Variants in SOX5 observed in about 807,000 individuals in gnomAD.
The protein encoded by SOX5 is SRY-box transcription factor 5.
A neutral mutation model predicts 92.0 loss-of-function variants in SOX5; 9 were observed. The ratio of observed to expected loss-of-function variants is 0.10; its 90% CI spans 0.06 to 0.17. The LOEUF is 0.17. Ranked by LOEUF, SOX5 falls within the 10% of genes least tolerant of loss-of-function variation. The pLI is 1.00. For synonymous variants in SOX5, 344 were observed against 336.3 expected (o/e 1.02, Z -0.25); for missense variants, 642 against 944.5 (o/e 0.68, Z 4.20).
chr12:24,386,175 T>TA (rs1297201560), intron 1 of SOX5, among the ~76,000 whole-genome samples: 1 of 152,168 alleles, frequency 6.6e-6, no homozygotes, highest in Admixed American at 6.5e-5. Flanking sequence ...CTGTTTCACT[T>TA]AGAGTTGCAG....
chr12:24,198,133 T>G (rs1002507766), intron 4 of SOX5, among the ~76,000 whole-genome samples: 2 of 152,130 alleles, frequency 1.3e-5, no homozygotes, highest in Non-Finnish European at 2.9e-5. Context: ...GAGCAGCCCA[T>G]CCATCGTTCA....
At chr12:23,754,334 A>C (rs1236872032) in intron 4 of SOX5, among the ~76,000 whole-genome samples, 1 of 151,898 alleles carries the variant, frequency 6.6e-6, no homozygotes, top group Non-Finnish European at 1.5e-5. Flanking sequence ...TGGAGAATGC[A>C]TCTTATGCCT....
At chr12:24,021,792 A>G (rs1192911180) in intron 4 of SOX5, among the ~76,000 whole-genome samples, 1 of 152,150 alleles carries the variant, frequency 6.6e-6, no homozygotes, top group Non-Finnish European at 1.5e-5. Context: ...GTATCATCCA[A>G]TGTGATGTGG....
Position 23,665,417 on chromosome 12 carries a change from C to T in SOX5, c.931+27G>A, listed in dbSNP as rs750355842. 2.9e-5 allele frequency: 46 copies of T among 1,612,284 alleles called. No homozygotes were observed. The Admixed American group carries it at 6.2e-4, about 22-fold the overall frequency. ...TTTAAAGCTTTGCCCTCCACCCACT[C>T]CCAGATGAAAAATCAACAGTACTTA... On this transcript the variant is annotated intron_variant, in intron 7 of 14. Transcript: ENST00000451604.
At chr12:23,561,409 G>A (rs1323735683) in intron 11 of SOX5, among the ~76,000 whole-genome samples, 2 of 152,182 alleles carry the variant, frequency 1.3e-5, no homozygotes, top group Non-Finnish European at 2.9e-5. Context: ...CAGAGTCACT[G>A]AAGCCAGCAT....
intron 3 of SOX5, among the ~76,000 whole-genome samples, chr12:23,804,303 T>C (rs2142229942): frequency 6.6e-6 from 1 of 152,282 alleles, no homozygotes; most frequent in Non-Finnish European, 1.5e-5. Context: ...TGAAATTCCA[T>C]TTAAATAGAA....
At chr12:24,441,979 G>C (rs1940682028) in intron 1 of SOX5, among the ~76,000 whole-genome samples, 2 of 152,164 alleles carry the variant, frequency 1.3e-5, no homozygotes, top group African/African-American at 4.8e-5. Context: ...AAGGAGGTAG[G>C]AAACTTAAAA....
intron 4 of SOX5, among the ~76,000 whole-genome samples, chr12:24,028,899 G>C (rs946333829): frequency 6.6e-6 from 1 of 151,998 alleles, no homozygotes; most frequent in African/African-American, 2.4e-5. Context: ...AAAACAGTAA[G>C]AGAAAGGACA....
At position 24,074,630 on chromosome 12, in the gene SOX5, C is replaced by CAAAAAAAAA. The variant is rs76320418; in HGVS notation, c.-2+138704_-2+138712dup. On this transcript the variant is annotated intron_variant, in intron 4 of 4. Coordinates refer to the SOX5 transcript ENST00000446891. ...CTTAGTGTTTATTTCTGTAAACTAC[C>CAAAAAAAAA]AAAAAAAAAAAAAAAAAAAAAAAGC... Among the ~76,000 whole-genome samples the CAAAAAAAAA allele has an allele frequency of 1.8e-3, 93 of 51,276 alleles. 12 individuals carry two copies. The highest frequency in any genetic ancestry group is 0.018 in the Middle Eastern group (1 of 56). 33.6% of individuals were successfully genotyped at this position (51,276 alleles called of 152,430 possible).
intron 2 of SOX5, among the ~76,000 whole-genome samples, chr12:24,301,268 C>T (rs1947913610): frequency 6.6e-6 from 1 of 152,192 alleles, no homozygotes; most frequent in Non-Finnish European, 1.5e-5. Context: ...CCACTTTATA[C>T]TGAAATGCCA....
chr12:23,982,144 C>T (rs1056326788), intron 4 of SOX5, among the ~76,000 whole-genome samples: 2 of 152,274 alleles, frequency 1.3e-5, no homozygotes, highest in Admixed American at 1.3e-4. Context: ...TTCAAAGCGT[C>T]AGGAAATGTA....
chr12:23,848,893 T>G (rs2096602058), intron 2 of SOX5, among the ~76,000 whole-genome samples: 1 of 152,210 alleles, frequency 6.6e-6, no homozygotes, highest in Non-Finnish European at 1.5e-5. Flanking sequence ...GTTGATAATC[T>G]TCCTTTGTTA....
At chr12:23,621,510 T>C (rs560802703) in intron 8 of SOX5, among the ~76,000 whole-genome samples, 2 of 152,272 alleles carry the variant, frequency 1.3e-5, no homozygotes, top group African/African-American at 2.4e-5. Context: ...AAAAAATCAC[T>C]GTTTTCCAAG....
At chr12:23,829,582 G>A (rs563868828) in intron 3 of SOX5, among the ~76,000 whole-genome samples, 25 of 152,204 alleles carry the variant, frequency 1.6e-4, no homozygotes, top group African/African-American at 6.0e-4. Context: ...AGTGATCTAT[G>A]AATTGAAACT....
At chr12:24,032,665 G>A (rs536324176) in intron 4 of SOX5, among the ~76,000 whole-genome samples, 4 of 151,900 alleles carry the variant, frequency 2.6e-5, no homozygotes, top group Non-Finnish European at 4.4e-5. Flanking sequence ...GGCCATGCCA[G>A]GTAAGTACCA....
rs190207438 is a variant in SOX5 at position 23,552,563 on chromosome 12, T to C, written c.1489-6139A>G. On this transcript the variant is annotated intron_variant, in intron 11 of 14. Coordinates refer to ENST00000451604, the MANE Select transcript of SOX5 (RefSeq NM_006940.6). Reference sequence around the variant, plus strand: ...ACATAAAATATCTTAAGAACCTCCATGTTTAAAAAGAATAAACAGCTGTTA... The same window carrying C: ...ACATAAAATATCTTAAGAACCTCCACGTTTAAAAAGAATAAACAGCTGTTA... Among the ~76,000 whole-genome samples, 45 of 152,044 alleles carry C rather than the reference T, an allele frequency of 3.0e-4. No homozygotes were observed. In the East Asian group the frequency reaches 7.1e-3, roughly 24 times the overall value.
At chr12:24,534,414 GATATA>G (rs1951457829) in intron 1 of SOX5, among the ~76,000 whole-genome samples, 1 of 152,038 alleles carries the variant, frequency 6.6e-6, no homozygotes, top group Non-Finnish European at 1.5e-5. Flanking sequence ...TAGGGAAGTA[GATATA>G]ATATGTCTAA....
chr12:23,937,536 T>G (rs1291646685), intron 1 of SOX5, among the ~76,000 whole-genome samples: 1 of 150,992 alleles, frequency 6.6e-6, no homozygotes, highest in Non-Finnish European at 1.5e-5. Flanking sequence ...CATGCTAATT[T>G]GACATGCACC....
intron 4 of SOX5, among the ~76,000 whole-genome samples, chr12:23,964,424 T>C (rs1233278030): frequency 6.6e-6 from 1 of 152,188 alleles, no homozygotes; most frequent in Admixed American, 6.5e-5. Flanking sequence ...ATACCAGTCA[T>C]GAAATATTTT....
Sources: allele counts gnomAD v4.1 joint callset (sites outside exome capture counted in the v4.1 genomes callset), GRCh38; gene constraint gnomAD v4.1.1; transcripts MANE v1.5; gene names NCBI Gene and HGNC (gene_info 2026-07-23, HGNC 2026-07-21).